The following SLC4A5 variants were observed in gnomAD, a reference collection of about 807,000 sequenced individuals.
SLC4A5 encodes the protein electrogenic sodium bicarbonate cotransporter 4.
SLC4A5 carries 96 observed loss-of-function variants against 120.4 expected under a neutral mutation model. That is an observed-to-expected ratio of 0.80 (90% CI 0.68 to 0.94). SLC4A5 has a LOEUF of 0.94. Among genes scored for constraint, SLC4A5 ranks in the 40% least tolerant of loss-of-function variants. The probability of loss-of-function intolerance (pLI) is 0.00; values close to 1 mark genes in which losing one functional copy is unlikely to be tolerated. For synonymous variants in SLC4A5, 550 were observed against 571.1 expected, an observed-to-expected ratio of 0.96 and a Z score of 0.53; for missense variants, 1,259 against 1,459.5, an observed-to-expected ratio of 0.86 and a Z score of 2.24.
intron 6 of SLC4A5, chr2:74,306,800 T>C (rs1035313369): frequency 8.2e-6 from 6 of 730,982 alleles, no homozygotes; most frequent in African/African-American, 3.5e-5. Context: ...TAGTGTTCTT[T>C]TGGATGATTT....
At chr2:74,308,217 T>A (rs1436726882) in intron 6 of SLC4A5, among the ~76,000 whole-genome samples, 2 of 152,204 alleles carry the variant, frequency 1.3e-5, no homozygotes, top group African/African-American at 4.8e-5. Context: ...GTGAACATAA[T>A]TTTCAACTCA....
intron 7 of SLC4A5, among the ~76,000 whole-genome samples, chr2:74,290,050 G>A (rs555886419): frequency 3.4e-5 from 5 of 146,656 alleles, no homozygotes; most frequent in East Asian, 1.9e-4. Flanking sequence ...CAGCCACCCC[G>A]ACCCCAGCCA....
chr2:74,326,883 C>G (rs1354902375), intron 5 of SLC4A5, among the ~76,000 whole-genome samples: 1 of 152,056 alleles, frequency 6.6e-6, no homozygotes, highest in Non-Finnish European at 1.5e-5. Context: ...GGGTCCTTGC[C>G]CAAGCAGACT....
Position 74,248,500 on chromosome 2 carries a change from G to C in SLC4A5, c.1654-14C>G. 1 of 1,613,750 alleles carries C rather than the reference G, an allele frequency of 6.2e-7. No homozygotes were observed. The highest frequency in any genetic ancestry group is 8.5e-7 in the Non-Finnish European group (1 of 1,179,816). ...CTCCATCACTCCCTGGGGGCACAAG[G>C]AATGTGTGGTTCAGCATAGGAAGGA... On this transcript the variant is annotated splice_polypyrimidine_tract_variant and intron_variant, in intron 17 of 30. Coordinates refer to ENST00000394019, the Ensembl canonical transcript of SLC4A5.
At chr2:74,239,295 T>C in intron 21 of SLC4A5, 40 bp downstream of exon 21, 2 of 1,593,026 alleles carry the variant, frequency 1.3e-6, no homozygotes, top group Admixed American at 1.7e-5. Context: ...TCAGCAGCTG[T>C]CTGACTGCAG....
At chr2:74,225,196 G>A (rs546607814) in intron 27 of SLC4A5, among the ~76,000 whole-genome samples, 41 of 152,154 alleles carry the variant, frequency 2.7e-4, no homozygotes, top group Non-Finnish European at 4.9e-4. Flanking sequence ...GGCCCCTCAG[G>A]TGAGTGACCA....
At chr2:74,318,192 G>C (rs183781938) in intron 5 of SLC4A5, among the ~76,000 whole-genome samples, 1 of 152,066 alleles carries the variant, frequency 6.6e-6, no homozygotes, top group East Asian at 1.9e-4. Context: ...GAATCTGTGA[G>C]GAATTCAAAC....
chr2:74,262,012 G>T, intron 11 of SLC4A5, 125 bp downstream of exon 11: 1 of 795,408 alleles, frequency 1.3e-6, no homozygotes, highest in Non-Finnish European at 2.0e-6. Context: ...GGCTCCTCCT[G>T]ATGCATGCCC....
Position 74,297,635 on chromosome 2 carries a change from G to A in SLC4A5, c.271+6854C>T, listed in dbSNP as rs1558901282. The stretch of plus-strand genomic sequence containing the variant: ...TCTTTCTCCTAATGGCCTCTCAAGA[G>A]GTTTTCACAGCCAGAAAACACATTT... On this transcript the variant is annotated intron_variant, in intron 7 of 30. Transcript: ENST00000394019. Among the ~76,000 whole-genome samples the A allele has an allele frequency of 4.6e-5, 7 of 152,266 alleles. 1 individual carries two copies. The Middle Eastern group carries it at 0.017, about 370-fold the overall frequency.
intron 22 of SLC4A5, among the ~76,000 whole-genome samples, chr2:74,234,085 A>C (rs1037281846): frequency 1.2e-4 from 18 of 152,068 alleles, no homozygotes; most frequent in Non-Finnish European, 1.0e-4. Context: ...ACAACAACAA[A>C]AAAAACCTTA....
At chr2:74,310,638 C>T (rs1264982502) in intron 6 of SLC4A5, among the ~76,000 whole-genome samples, 1 of 152,070 alleles carries the variant, frequency 6.6e-6, no homozygotes, top group Admixed American at 6.5e-5. Flanking sequence ...GCCTTAAATA[C>T]CTGGGATAAA....
chr2:74,273,762 C>T (rs1183314209), intron 8 of SLC4A5, among the ~76,000 whole-genome samples: 5 of 152,304 alleles, frequency 3.3e-5, no homozygotes, highest in South Asian at 2.1e-4. Flanking sequence ...CTTAGAAGCC[C>T]GTTAAGAATT....
In SLC4A5 at chr2:74,244,965, C is replaced by T. The variant is rs186190707; in HGVS notation, c.2059+2071G>A. Reference sequence around the variant, plus strand: ...CCCTCATAATGCACCTTATATGATCCTATGGCCCTTGTTCCTAGAGCACCC... The same window carrying T: ...CCCTCATAATGCACCTTATATGATCTTATGGCCCTTGTTCCTAGAGCACCC... On this transcript the variant is annotated intron_variant, in intron 19 of 30. Transcript: ENST00000394019. Among the ~76,000 whole-genome samples the T allele has an allele frequency of 2.0e-3, 311 of 152,240 alleles. 1 individual carries two copies. The highest frequency in any genetic ancestry group is 0.011 in the South Asian group (51 of 4,814).
At chr2:74,324,852 G>A (rs998666288) in intron 5 of SLC4A5, among the ~76,000 whole-genome samples, 2 of 152,102 alleles carry the variant, frequency 1.3e-5, no homozygotes, top group African/African-American at 4.8e-5. Flanking sequence ...GGGCCAATCA[G>A]AATTCTTCCC....
At chr2:74,320,938 G>A (rs1158979967) in intron 5 of SLC4A5, among the ~76,000 whole-genome samples, 1 of 152,198 alleles carries the variant, frequency 6.6e-6, no homozygotes, top group African/African-American at 2.4e-5. Flanking sequence ...ACTCAACTGT[G>A]AGCAATATTT....
At chr2:74,238,806 T>C (rs1670347956) in intron 21 of SLC4A5, among the ~76,000 whole-genome samples, 1 of 152,202 alleles carries the variant, frequency 6.6e-6, no homozygotes, top group African/African-American at 2.4e-5. Flanking sequence ...AAGTTTGATA[T>C]ATTCAATTAC....
intron 16 of SLC4A5, among the ~76,000 whole-genome samples, chr2:74,251,833 C>G (rs1670801533): frequency 6.6e-6 from 1 of 152,156 alleles, no homozygotes; most frequent in Non-Finnish European, 1.5e-5. Flanking sequence ...CTGCCAACAC[C>G]TGCTGTGGAA....
chr2:74,232,950 G>A (rs1419696841), intron 23 of SLC4A5, among the ~76,000 whole-genome samples: 3 of 152,162 alleles, frequency 2.0e-5, no homozygotes, highest in African/African-American at 7.2e-5. Context: ...GTTCCTGAGG[G>A]GCCCCAGCTG....
chr2:74,301,366 T>C (rs1172843224), intron 7 of SLC4A5, among the ~76,000 whole-genome samples: 1 of 152,208 alleles, frequency 6.6e-6, no homozygotes, highest in African/African-American at 2.4e-5. Flanking sequence ...TCCATCTGCA[T>C]AGTGTGCCTG....
Sources: allele counts gnomAD v4.1 joint callset (sites outside exome capture counted in the v4.1 genomes callset), GRCh38; gene constraint gnomAD v4.1.1; transcripts MANE v1.5; gene names NCBI Gene and HGNC (gene_info 2026-07-23, HGNC 2026-07-21).